The following KCNK13 variants were observed in gnomAD, a reference collection of about 807,000 sequenced individuals.
KCNK13 encodes the protein potassium channel subfamily K member 13.
A neutral mutation model predicts 23.4 loss-of-function variants in KCNK13; 12 were observed. The observed-to-expected ratio is 0.51, with a 90% confidence interval of 0.33 to 0.83. The LOEUF (loss-of-function observed/expected upper bound fraction) is 0.83. KCNK13 is among the 40% of genes least tolerant of loss of function. The probability of loss-of-function intolerance (pLI) is 0.02; values close to 1 mark genes in which losing one functional copy is unlikely to be tolerated. For missense variants in KCNK13, 463 were observed against 556.3 expected, an observed-to-expected ratio of 0.83 and a Z score of 1.69; for synonymous variants, 231 against 229.5, an observed-to-expected ratio of 1.01 and a Z score of -0.06.
At position 90,104,081 on chromosome 14, in the gene KCNK13, G is replaced by A. The variant is rs148425413; in HGVS notation, c.334+41542G>A. Among the ~76,000 whole-genome samples, 717 of 152,136 alleles carry A rather than the reference G, an allele frequency of 4.7e-3. 4 individuals are homozygous for A. The highest frequency in any genetic ancestry group is 8.7e-3 in the Non-Finnish European group (589 of 68,010). On this transcript the variant is annotated intron_variant, in intron 1 of 1. Transcript: ENST00000282146. Reference sequence around the variant, plus strand: ...TGTTGGGCAGGAGTCAACTTCTCTTGTCTCTTTTTCTCTCCTGATCTTACC... The same window carrying A: ...TGTTGGGCAGGAGTCAACTTCTCTTATCTCTTTTTCTCTCCTGATCTTACC...
chr14:90,078,026 T>A (rs767120110), intron 1 of KCNK13, among the ~76,000 whole-genome samples: 4 of 152,214 alleles, frequency 2.6e-5, no homozygotes, highest in Non-Finnish European at 5.9e-5. Context: ...TATCTGATAT[T>A]TGGAATAGAG....
intron 1 of KCNK13, among the ~76,000 whole-genome samples, chr14:90,080,455 C>CAAAT (rs767419917): frequency 3.8e-4 from 57 of 151,586 alleles, no homozygotes; most frequent in Non-Finnish European, 6.9e-4. Flanking sequence ...GACTCCATCT[C>CAAAT]AAATAAATAA....
At chr14:90,156,490 T>TGCCAGAC (rs987799538) in intron 1 of KCNK13, among the ~76,000 whole-genome samples, 1 of 151,970 alleles carries the variant, frequency 6.6e-6, no homozygotes, top group African/African-American at 2.4e-5. Flanking sequence ...AGAATTGAGA[T>TGCCAGAC]GCCAGGCCAG....
chr14:90,146,831 A>G (rs554705674), intron 1 of KCNK13, among the ~76,000 whole-genome samples: 30 of 151,462 alleles, frequency 2.0e-4, no homozygotes, highest in African/African-American at 7.0e-4. Context: ...TTTTCTATCT[A>G]TTATTTGTTC....
chr14:90,178,384 C>G (rs185216586), intron 1 of KCNK13, among the ~76,000 whole-genome samples: 5,310 of 152,018 alleles, frequency 0.035, 141 homozygotes, highest in Non-Finnish European at 0.056. Context: ...CTCCACCTCC[C>G]GGGTTCAAGT....
At chr14:90,064,733 G>C (rs184590100) in intron 1 of KCNK13, among the ~76,000 whole-genome samples, 1 of 152,288 alleles carries the variant, frequency 6.6e-6, no homozygotes, top group East Asian at 1.9e-4. Flanking sequence ...AAGTGCGTGC[G>C]TGTTAAAAGG....
chr14:90,171,070 C>T (rs1890359781), intron 1 of KCNK13, among the ~76,000 whole-genome samples: 1 of 152,184 alleles, frequency 6.6e-6, no homozygotes. Context: ...AATTTAATTT[C>T]CTTTCACATA....
intron 1 of KCNK13, among the ~76,000 whole-genome samples, chr14:90,128,420 G>A (rs569893425): frequency 5.5e-4 from 84 of 152,126 alleles, no homozygotes; most frequent in Admixed American, 1.4e-3. Context: ...TTGGCCAGCC[G>A]CTCCCTTTCA....
intron 1 of KCNK13, among the ~76,000 whole-genome samples, chr14:90,087,810 A>G (rs1018879175): frequency 6.6e-6 from 1 of 152,106 alleles, no homozygotes; most frequent in African/African-American, 2.4e-5. Flanking sequence ...GACTTTGTTC[A>G]GAGTTCCCGC....
At chr14:90,176,810 A>G (rs1890427308) in intron 1 of KCNK13, among the ~76,000 whole-genome samples, 1 of 151,932 alleles carries the variant, frequency 6.6e-6, no homozygotes, top group Admixed American at 6.6e-5. Flanking sequence ...TCACGAGGTC[A>G]AGAGATCAAG....
At chr14:90,103,903 G>C (rs2140408062) in intron 1 of KCNK13, among the ~76,000 whole-genome samples, 1 of 152,062 alleles carries the variant, frequency 6.6e-6, no homozygotes, top group East Asian at 1.9e-4. Flanking sequence ...CTCTCTCCTG[G>C]ACCAGAGAGA....
intron 1 of KCNK13, among the ~76,000 whole-genome samples, chr14:90,082,627 A>G (rs1244885929): frequency 6.6e-6 from 1 of 152,188 alleles, no homozygotes; most frequent in Non-Finnish European, 1.5e-5. Flanking sequence ...TTGCCAGATA[A>G]TATTCTGCTA....
intron 1 of KCNK13, among the ~76,000 whole-genome samples, chr14:90,157,490 G>A (rs1243945745): frequency 6.6e-6 from 1 of 151,940 alleles, no homozygotes; most frequent in Non-Finnish European, 1.5e-5. Flanking sequence ...TAAACTCCTG[G>A]GCTCAAGAAA....
chr14:90,178,575 C>A (rs1890450673), intron 1 of KCNK13, among the ~76,000 whole-genome samples: 2 of 152,092 alleles, frequency 1.3e-5, no homozygotes. Context: ...CAGGCATGAG[C>A]CACCACACCG....
At chr14:90,126,537 GT>G in intron 1 of KCNK13, among the ~76,000 whole-genome samples, 1 of 151,666 alleles carries the variant, frequency 6.6e-6, no homozygotes, top group Non-Finnish European at 1.5e-5. Context: ...TATTCTTGTT[GT>G]TGTTGTTGTT....
At chr14:90,141,339 T>C (rs1307731124) in intron 1 of KCNK13, among the ~76,000 whole-genome samples, 1 of 152,236 alleles carries the variant, frequency 6.6e-6, no homozygotes, top group Non-Finnish European at 1.5e-5. Context: ...TACTTGACAA[T>C]TTAATGAGTA....
intron 1 of KCNK13, among the ~76,000 whole-genome samples, chr14:90,140,023 T>A (rs1225358731): frequency 6.6e-6 from 1 of 151,174 alleles, no homozygotes; most frequent in Non-Finnish European, 1.5e-5. Flanking sequence ...AGCAGTGAGG[T>A]CTTCGACTGT....
chr14:90,096,041 A>G (rs879334933), intron 1 of KCNK13, among the ~76,000 whole-genome samples: 1 of 152,204 alleles, frequency 6.6e-6, no homozygotes, highest in African/African-American at 2.4e-5. Context: ...GATAACACCT[A>G]TAGGAAGAGG....
At chr14:90,147,731 A>AT (rs1890089156) in intron 1 of KCNK13, among the ~76,000 whole-genome samples, 1 of 152,080 alleles carries the variant, frequency 6.6e-6, no homozygotes, top group Non-Finnish European at 1.5e-5. Context: ...ACATTTAATG[A>AT]TTTTATATAC....
Sources: gnomAD v4.1 joint callset for allele counts (sites outside exome capture counted in the v4.1 genomes callset) on GRCh38, gnomAD v4.1.1 for gene constraint, MANE v1.5 for transcripts, NCBI Gene and HGNC (gene_info 2026-07-23, HGNC 2026-07-21) for gene names.